The following PPEF1 variants were observed in gnomAD, a reference collection of about 807,000 sequenced individuals.
PPEF1 encodes the protein serine/threonine-protein phosphatase with EF-hands 1.
Under a neutral mutation model 53.3 loss-of-function variants are expected in PPEF1, and 12 were observed. The ratio of observed to expected loss-of-function variants is 0.23; its 90% CI spans 0.14 to 0.36. PPEF1 has a LOEUF of 0.36. Ranked by LOEUF, PPEF1 falls within the 10% of genes least tolerant of loss-of-function variation. The probability of loss-of-function intolerance (pLI) is 1.00; values close to 1 mark genes in which losing one functional copy is unlikely to be tolerated. For synonymous variants in PPEF1, 165 were observed against 176.7 expected, an observed-to-expected ratio of 0.93 and a Z score of 0.52; for missense variants, 334 against 490.4, an observed-to-expected ratio of 0.68 and a Z score of 3.01.
intron 3 of PPEF1, among the ~76,000 whole-genome samples, chrX:18,739,069 G>A (rs995078819): frequency 8.9e-6 from 1 of 112,087 alleles, no homozygotes; most frequent in Non-Finnish European, 1.9e-5. Flanking sequence ...CGATGGGTTC[G>A]AACATCCTCC....
chrX:18,804,125 G>C, intron 11 of PPEF1, 48 bp downstream of exon 11: 2 of 1,080,345 alleles, frequency 1.9e-6, no homozygotes, highest in Admixed American at 2.5e-5. Flanking sequence ...CTTCCCCTAA[G>C]CACAGTCTTT....
chrX:18,722,959 G>A (rs2044620281), intron 1 of PPEF1, among the ~76,000 whole-genome samples: 1 of 110,595 alleles, frequency 9.0e-6, no homozygotes, highest in Admixed American at 9.6e-5. Flanking sequence ...TTCGGAGATG[G>A]TAGCCTGTTT....
intron 6 of PPEF1, among the ~76,000 whole-genome samples, chrX:18,764,672 T>C (rs147279355): frequency 0.012 from 1,372 of 111,497 alleles, 23 homozygotes; most frequent in African/African-American, 0.04. Flanking sequence ...GGTCCGGCTA[T>C]TGTTGACAAT....
chrX:18,693,774 G>A (rs767037720), intron 4 of PPEF1, among the ~76,000 whole-genome samples: 22 of 111,679 alleles, frequency 2.0e-4, no homozygotes, highest in Non-Finnish European at 7.5e-5. Flanking sequence ...CACCGTTTTG[G>A]TCAGGCTGCT....
chrX:18,818,046 A>T lies in PPEF1; in HGVS notation c.1402A>T (p.Thr468Ser), dbSNP rs1311098617. The change falls in exon 13 of 16, where the codon ACT (threonine) becomes TCT (serine). Residue 468 changes from threonine to serine, a missense_variant. Transcript: ENST00000470157. Reference sequence around the variant, plus strand: ...TTATTGTTTTCTTTGCAGAGTGGATACTATGGAAAACAGCGCCATCAAGAT... The same window carrying T: ...TTATTGTTTTCTTTGCAGAGTGGATTCTATGGAAAACAGCGCCATCAAGAT... ...CFQPLRQRVDTMENSAIKILR... is the reference protein window; with the variant it reads ...CFQPLRQRVDSMENSAIKILR... The T allele has an allele frequency of 8.4e-7, 1 of 1,186,230 alleles. No individual in the cohort carries two copies. The highest frequency in any genetic ancestry group is 1.1e-6 in the Non-Finnish European group (1 of 878,430).
chrX:18,808,542 G>T (rs749984732), intron 12 of PPEF1, among the ~76,000 whole-genome samples: 9 of 66,070 alleles, frequency 1.4e-4, no homozygotes, highest in Non-Finnish European at 2.3e-4. Context: ...GAACTCATAC[G>T]ACTCAACAGC....
chrX:18,728,789 C>T (rs1018867405), intron 1 of PPEF1, among the ~76,000 whole-genome samples: 1 of 111,624 alleles, frequency 9.0e-6, no homozygotes, highest in African/African-American at 3.3e-5. Context: ...TGCAGCAGTA[C>T]TAAACCAGAG....
At chrX:18,810,541 C>T (rs2147714608) in intron 12 of PPEF1, among the ~76,000 whole-genome samples, 1 of 112,002 alleles carries the variant, frequency 8.9e-6, no homozygotes, top group East Asian at 2.8e-4. Context: ...CACCTCCTCC[C>T]ATCACAGCCC....
At chrX:18,733,548 G>A (rs1300845107) in intron 2 of PPEF1, among the ~76,000 whole-genome samples, 200 bp from the exon 3 acceptor site, 1 of 111,621 alleles carries the variant, frequency 9.0e-6, no homozygotes, top group African/African-American at 3.3e-5. Flanking sequence ...CCACAGGAGG[G>A]GCGTTCATGT....
chrX:18,720,999 C>A (rs1195684547), intron 1 of PPEF1, among the ~76,000 whole-genome samples: 1 of 111,466 alleles, frequency 9.0e-6, no homozygotes, highest in Non-Finnish European at 1.9e-5. Context: ...ACCTCTGAGC[C>A]TTAGATACTT....
chrX:18,760,736 T>C lies in PPEF1; in HGVS notation c.512-794T>C, dbSNP rs774368630. On this transcript the variant is annotated intron_variant, in intron 5 of 15. Transcript: ENST00000470157. Reference sequence around the variant, plus strand: ...AATCTTCCCACCTCAGTCAGCCTCCTGAGTAGCTAGGATCACAGGTGCGCA... The same window carrying C: ...AATCTTCCCACCTCAGTCAGCCTCCCGAGTAGCTAGGATCACAGGTGCGCA... Among the ~76,000 whole-genome samples the C allele has an allele frequency of 3.7e-5, 4 of 107,435 alleles. No individual in the cohort carries two copies. The East Asian group carries it at 1.2e-3, about 31-fold the overall frequency. 93.3% of individuals were successfully genotyped at this position (107,435 alleles called of 115,157 possible).
intron 9 of PPEF1, among the ~76,000 whole-genome samples, chrX:18,787,146 C>T (rs1249600512): frequency 8.9e-6 from 1 of 111,990 alleles, no homozygotes; most frequent in Non-Finnish European, 1.9e-5. Context: ...ATTTGGAACT[C>T]TATCAGATGA....
intron 1 of PPEF1, among the ~76,000 whole-genome samples, chrX:18,712,086 G>A (rs190961633): frequency 1.2e-4 from 13 of 111,596 alleles, no homozygotes; most frequent in Non-Finnish European, 1.5e-4. Flanking sequence ...TTTGAAATTG[G>A]GAAGTATGAA....
intron 1 of PPEF1, among the ~76,000 whole-genome samples, chrX:18,677,035 CT>C (rs763530257): frequency 0.029 from 2,643 of 90,002 alleles, 82 homozygotes; most frequent in African/African-American, 0.083. Flanking sequence ...TCATCACAAT[CT>C]TTTTTTTTTT....
intron 10 of PPEF1, among the ~76,000 whole-genome samples, chrX:18,798,719 G>A (rs758826062): frequency 1.1e-4 from 12 of 110,892 alleles, no homozygotes; most frequent in Admixed American, 5.7e-4. Context: ...TGCCTCCCAG[G>A]GTGAGGCAAT....
At chrX:18,743,449 T>TC (rs1397340731) in intron 3 of PPEF1, among the ~76,000 whole-genome samples, 1 of 87,532 alleles carries the variant, frequency 1.1e-5, no homozygotes, top group Non-Finnish European at 2.2e-5. Flanking sequence ...TCTTTTTCTT[T>TC]TTTTTTTTTT....
rs756631866 is a variant in PPEF1, at chrX:18,754,821, G to A, written c.397-2806G>A. ...TCACTGTGTTGCCCAGGCTGGTCTC[G>A]AACTCCTGGCCTCAAGTGATCCTCC... On this transcript the variant is annotated intron_variant, in intron 4 of 15. Transcript: ENST00000470157. 9.0e-5 allele frequency among the ~76,000 whole-genome samples: 10 copies of A among 111,552 alleles called. No homozygotes were observed. The South Asian group carries it at 3.0e-3, about 34-fold the overall frequency.
chrX:18,738,530 C>T (rs1394370935), intron 3 of PPEF1, among the ~76,000 whole-genome samples: 9 of 111,958 alleles, frequency 8.0e-5, no homozygotes, highest in Non-Finnish European at 1.5e-4. Flanking sequence ...GTGGGTAACC[C>T]GACCTTTCTC....
intron 12 of PPEF1, among the ~76,000 whole-genome samples, chrX:18,812,057 A>G (rs1227414875): frequency 9.0e-6 from 1 of 111,371 alleles, no homozygotes; most frequent in Non-Finnish European, 1.9e-5. Flanking sequence ...CTAAGAAGGC[A>G]TTGCCTAACT....
Sources: gnomAD v4.1 joint callset for allele counts (sites outside exome capture counted in the v4.1 genomes callset) on GRCh38, gnomAD v4.1.1 for gene constraint, MANE v1.5 for transcripts, NCBI Gene and HGNC (gene_info 2026-07-23, HGNC 2026-07-21) for gene names.